LPIN1: variants seen among roughly 807,000 people sequenced by gnomAD.
The protein encoded by LPIN1 is lipin 1.
In LPIN1, 71 loss-of-function variants were observed where a neutral mutation model predicts 107.5. The ratio of observed to expected loss-of-function variants is 0.66; its 90% CI spans 0.55 to 0.80. LPIN1 has a LOEUF of 0.80. Among genes scored for constraint, LPIN1 ranks in the 30% least tolerant of loss-of-function variants. LPIN1 has a pLI of 0.00. For missense variants in LPIN1, 1,043 were observed against 1,160.6 expected (o/e 0.90, Z 1.47); for synonymous variants, 445 against 452.6 (o/e 0.98, Z 0.21).
intron 1 of LPIN1, among the ~76,000 whole-genome samples, chr2:11,696,208 G>C (rs1008593892): frequency 6.8e-6 from 1 of 146,262 alleles, no homozygotes; most frequent in East Asian, 2.2e-4. Context: ...ACAAGCCCCA[G>C]TGTGTGGTGT....
chr2:11,762,826 G>C (rs1223260734), intron 1 of LPIN1, among the ~76,000 whole-genome samples: 1 of 152,312 alleles, frequency 6.6e-6, no homozygotes, highest in South Asian at 2.1e-4. Flanking sequence ...CTACACAGCA[G>C]GTTTGTGAGC....
chr2:11,759,678 T>A (rs1331937253), intron 1 of LPIN1, among the ~76,000 whole-genome samples: 2 of 152,258 alleles, frequency 1.3e-5, no homozygotes, highest in African/African-American at 4.8e-5. Context: ...CATGGCCCGT[T>A]CTCAATGAGC....
chr2:11,680,241 G>C (rs766082219), intron 1 of LPIN1, among the ~76,000 whole-genome samples: 5 of 152,132 alleles, frequency 3.3e-5, no homozygotes, highest in African/African-American at 4.8e-5. Context: ...CCATAGGGCT[G>C]TTTTCATTCC....
intron 1 of LPIN1, among the ~76,000 whole-genome samples, chr2:11,760,048 C>T (rs1385725398): frequency 2.1e-5 from 3 of 145,100 alleles, no homozygotes; most frequent in South Asian, 2.2e-4. Flanking sequence ...GACGGGGTCG[C>T]GGCCGGGCAG....
Position 11,765,728 on chromosome 2 carries a change from A to G in LPIN1, c.187A>G (p.Lys63Glu), listed in dbSNP as rs1572679823. The change falls in exon 2 of 21, where the codon AAA becomes GAA. Residue 63 changes from lysine (K) to glutamate (E), a missense_variant. Lys to Glu is a moderately conservative substitution (Grantham distance 56). Transcript: ENST00000674199. This position sits in a 1 kb window ranked among gnomAD's most constrained non-coding sequence, Gnocchi z 4.4. ...GATGGGGGTCCTGCGCTCCCGAGAG[A>G]AAGTGGTGAGCTCTCAGGGCACGGG... ...GKMGVLRSREKVVDIEINGES... is the reference protein window; with the variant it reads ...GKMGVLRSREEVVDIEINGES... 1.2e-6 allele frequency: 2 copies of G among 1,610,196 alleles called. No individual in the cohort carries two copies. The highest frequency in any genetic ancestry group is 4.5e-5 in the East Asian group (2 of 44,728).
intron 17 of LPIN1, among the ~76,000 whole-genome samples, chr2:11,813,947 G>A (rs1680123864): frequency 6.6e-6 from 1 of 152,066 alleles, no homozygotes; most frequent in Non-Finnish European, 1.5e-5. Flanking sequence ...AAGTGAAATG[G>A]ACCTGCTAAC....
intron 1 of LPIN1, among the ~76,000 whole-genome samples, chr2:11,701,370 C>T (rs1295018435): frequency 1.3e-5 from 2 of 152,170 alleles, no homozygotes; most frequent in Non-Finnish European, 2.9e-5. Context: ...GTGCCTAGCA[C>T]AGGTCATGAC....
At chr2:11,721,270 G>C (rs1422384225), upstream of LPIN1, among the ~76,000 whole-genome samples, 1 of 136,392 alleles carries the variant, frequency 7.3e-6, no homozygotes, top group Non-Finnish European at 1.6e-5. Context: ...ATGCGTGTGT[G>C]TGTGTGTGTG....
chr2:11,725,512 T>C (rs1664547029), intron 1 of LPIN1, among the ~76,000 whole-genome samples: 1 of 152,166 alleles, frequency 6.6e-6, no homozygotes, highest in Admixed American at 6.5e-5. Flanking sequence ...GCGACATCTG[T>C]CTCTGGGCCC....
At chr2:11,679,759 G>T (rs1226924867) in intron 1 of LPIN1, among the ~76,000 whole-genome samples, 1 of 152,250 alleles carries the variant, frequency 6.6e-6, no homozygotes, top group Non-Finnish European at 1.5e-5. Context: ...ATGGCCTTTT[G>T]CCTTGGGGGA....
chr2:11,715,938 T>C (rs1306399742), intron 2 of LPIN1, among the ~76,000 whole-genome samples: 2 of 152,114 alleles, frequency 1.3e-5, no homozygotes, highest in Admixed American at 6.5e-5. Context: ...AAGCAGGCAA[T>C]GTCCCCTCCA....
At chr2:11,759,882 A>ATGGGGCGGCTGGCCGGG (rs1669424515) in intron 1 of LPIN1, among the ~76,000 whole-genome samples, 1 of 147,046 alleles carries the variant, frequency 6.8e-6, no homozygotes, top group African/African-American at 2.6e-5. Context: ...TCCCTCCCGG[A>ATGGGGCGGCTGGCCGGG]CGGGGTGGCT....
chr2:11,741,338 T>C, intron 1 of LPIN1: 1 of 1,526,888 alleles, frequency 6.5e-7, no homozygotes, highest in Non-Finnish European at 8.8e-7. Flanking sequence ...AATGATGTCG[T>C]GTGTCCACAG....
chr2:11,785,981 G>A (rs909734360), intron 10 of LPIN1, among the ~76,000 whole-genome samples: 3 of 152,126 alleles, frequency 2.0e-5, no homozygotes, highest in African/African-American at 7.2e-5. Flanking sequence ...GCCTCACTGT[G>A]TTTCTGAAGT....
At chr2:11,787,398 CTTT>C (rs1205272301) in intron 11 of LPIN1, among the ~76,000 whole-genome samples, 5 of 64,548 alleles carry the variant, frequency 7.7e-5, no homozygotes, top group Admixed American at 1.7e-4. Context: ...TTTTCTTTTT[CTTT>C]TTTTTTTTTT....
chr2:11,812,419 T>G (rs1239697904), intron 17 of LPIN1, among the ~76,000 whole-genome samples: 1 of 145,880 alleles, frequency 6.9e-6, no homozygotes, highest in South Asian at 2.2e-4. Context: ...GGGTGAGGAG[T>G]GAGGGGGTGT....
Position 11,697,112 on chromosome 2 carries a change from C to T in LPIN1, c.82-16644C>T, listed in dbSNP as rs1049968581. The stretch of plus-strand genomic sequence containing the variant: ...TCTGGTGAGAACAGATGCGTAGTCC[C>T]GGAGCTCAAGTTCTGGGAAGGGCAG... On this transcript the variant is annotated intron_variant, in intron 1 of 21. Transcript: ENST00000449576. This position sits in a 1 kb window ranked among gnomAD's most constrained non-coding sequence, Gnocchi z 4.6. Among the ~76,000 whole-genome samples, 39 of 152,216 alleles carry T rather than the reference C, an allele frequency of 2.6e-4. No individual in the cohort carries two copies. The highest frequency in any genetic ancestry group is 1.9e-3 in the East Asian group (10 of 5,196).
At chr2:11,751,590 C>T (rs1021739851) in intron 1 of LPIN1, among the ~76,000 whole-genome samples, 2 of 152,176 alleles carry the variant, frequency 1.3e-5, no homozygotes, top group Admixed American at 6.5e-5. Flanking sequence ...CGGTGGCTCA[C>T]GCCTGTAATC....
intron 1 of LPIN1, among the ~76,000 whole-genome samples, chr2:11,759,116 CTAGCTTGCTTTCTTTCT>C (rs1336949298): frequency 2.1e-4 from 32 of 150,268 alleles, no homozygotes; most frequent in African/African-American, 7.7e-4. Context: ...TATGAGCTAG[CTAGCTTGCTTTCTTTCT>C]TTTCTTTCTT....
Sources: gnomAD v4.1 joint callset for allele counts (sites outside exome capture counted in the v4.1 genomes callset) on GRCh38, gnomAD v4.1.1 for gene constraint, Gnocchi (gnomAD v3.1) non-coding constraint, MANE v1.5 for transcripts, NCBI Gene and HGNC (gene_info 2026-07-23, HGNC 2026-07-21) for gene names.